The following TSC22D1 variants were observed in gnomAD, a reference collection of about 807,000 sequenced individuals.
TSC22D1 encodes TSC22 domain family member 1.
In TSC22D1, 9 loss-of-function variants were observed where a neutral mutation model predicts 74.2. The ratio of observed to expected loss-of-function variants is 0.12; its 90% CI spans 0.07 to 0.21. TSC22D1 has a LOEUF of 0.21. Ranked by LOEUF, TSC22D1 falls within the 10% of genes least tolerant of loss-of-function variation. The pLI, the probability that TSC22D1 is intolerant of heterozygous loss-of-function variation, is 1.00. For synonymous variants in TSC22D1, 586 were observed against 492.5 expected (o/e 1.19, Z -2.51); for missense variants, 1,427 against 1,304.7 (o/e 1.09, Z -1.44).
chr13:44,555,715 C>A (rs1489345112), intron 1 of TSC22D1, among the ~76,000 whole-genome samples: 1 of 150,902 alleles, frequency 6.6e-6, no homozygotes, highest in Non-Finnish European at 1.5e-5. Flanking sequence ...CCCACCCATG[C>A]AAGATAGGTT....
chr13:44,512,806 C>T lies in TSC22D1; in HGVS notation c.2912+60357G>A, dbSNP rs1267964709. Among the ~76,000 whole-genome samples the T allele has an allele frequency of 3.9e-5, 6 of 152,092 alleles. No homozygotes were observed. In the South Asian group the frequency reaches 6.2e-4, roughly 16 times the overall value. On this transcript the variant is annotated intron_variant, in intron 1 of 2. Coordinates refer to ENST00000458659, the MANE Select transcript of TSC22D1 (RefSeq NM_183422.4). Reference sequence around the variant, plus strand: ...CTGGGACTACAGGCGTGCGCCATCACGCCCAGCTAATTATTGTATTTTTAG... The same window carrying T: ...CTGGGACTACAGGCGTGCGCCATCATGCCCAGCTAATTATTGTATTTTTAG...
At chr13:44,547,741 TA>T (rs1321359304) in intron 1 of TSC22D1, among the ~76,000 whole-genome samples, 7 of 152,210 alleles carry the variant, frequency 4.6e-5, no homozygotes, top group Admixed American at 4.6e-4. Flanking sequence ...TTTTAATTTT[TA>T]ACTTACTGAG....
chr13:44,475,470 A>G (rs1877859083), intron 1 of TSC22D1, among the ~76,000 whole-genome samples: 1 of 151,772 alleles, frequency 6.6e-6, no homozygotes, highest in Non-Finnish European at 1.5e-5. Context: ...AAAAGCAAAA[A>G]AAAAAAAAAA....
rs769962486 is a variant in TSC22D1 at position 44,575,953 on chromosome 13, A to C, written c.122T>G (p.Leu41Arg). ...ACCGACGCCGGTACCTGCTGCATTG[A>C]GAGCAGAGGCGCTGCCACTACCGCT... ...RGSGSGSASA[L>R]NAAGTGVGSN... The change falls in exon 1 of 3, where the codon CTC (leucine) becomes CGC (arginine). Residue 41 changes from leucine (L) to arginine (R), a missense_variant. Coordinates refer to ENST00000458659, the MANE Select transcript of TSC22D1 (RefSeq NM_183422.4). 2.5e-6 allele frequency: 4 copies of C among 1,609,432 alleles called. No homozygotes were observed. Among genetic ancestry groups the C allele is most frequent in the Non-Finnish European group, 3.4e-6 (4 of 1,178,264 alleles).
At chr13:44,455,688 G>C (rs1034083393) in intron 1 of TSC22D1, among the ~76,000 whole-genome samples, 1 of 152,032 alleles carries the variant, frequency 6.6e-6, no homozygotes, top group African/African-American at 2.4e-5. Context: ...TCTTGCTTTG[G>C]ATAGTTTCAA....
At chr13:44,459,134 G>A (rs1281972235) in intron 1 of TSC22D1, among the ~76,000 whole-genome samples, 2 of 152,136 alleles carry the variant, frequency 1.3e-5, no homozygotes, top group Non-Finnish European at 2.9e-5. Context: ...GGACCAATCA[G>A]CACACACTTC....
At chr13:44,520,142 T>C (rs1194287102) in intron 1 of TSC22D1, among the ~76,000 whole-genome samples, 1 of 152,188 alleles carries the variant, frequency 6.6e-6, no homozygotes, top group Non-Finnish European at 1.5e-5. Flanking sequence ...ATCTGTGGTA[T>C]TGGTAGAAAT....
intron 1 of TSC22D1, among the ~76,000 whole-genome samples, chr13:44,565,093 A>G (rs1457622158): frequency 1.3e-5 from 2 of 152,134 alleles, no homozygotes; most frequent in African/African-American, 2.4e-5. Flanking sequence ...AATGTTATGA[A>G]AGCAGATGAC....
intron 1 of TSC22D1, among the ~76,000 whole-genome samples, chr13:44,462,149 C>T (rs1877032371): frequency 6.6e-6 from 1 of 152,142 alleles, no homozygotes; most frequent in Admixed American, 6.5e-5. Flanking sequence ...ATGTATTATA[C>T]AGAAACCATT....
intron 1 of TSC22D1, among the ~76,000 whole-genome samples, chr13:44,523,909 T>C (rs112136921): frequency 6.5e-4 from 99 of 152,030 alleles, no homozygotes; most frequent in African/African-American, 2.2e-3. Context: ...CATTTGCTAA[T>C]AGAAGGAAAG....
chr13:44,445,188 T>A, intron 1 of TSC22D1, among the ~76,000 whole-genome samples: 1 of 146,046 alleles, frequency 6.8e-6, no homozygotes, highest in Non-Finnish European at 1.5e-5. Context: ...AGACATAGAG[T>A]AATGGAACAA....
chr13:44,522,483 G>C (rs1270696812), intron 1 of TSC22D1, among the ~76,000 whole-genome samples: 2 of 152,178 alleles, frequency 1.3e-5, no homozygotes, highest in Non-Finnish European at 2.9e-5. Context: ...AGGCAAGAGA[G>C]GATGGTGGCT....
rs1367554617 is a variant in TSC22D1 at position 44,573,307 on chromosome 13, C to T, written c.2768G>A (p.Gly923Asp). The change falls in exon 1 of 3, where the codon GGC becomes GAC. Residue 923 changes from glycine to aspartate, a missense_variant. By Grantham distance (94) the Gly-to-Asp change is moderately conservative. Around this residue, in one of 3 missense-constraint regions of TSC22D1, gnomAD observed 1,343 missense variants for 1,191.5 expected, o/e 1.13. Transcript: ENST00000458659. ...ARRAAEPSLV[G>D]LPQTISGDSG... ...GTCACCACTGATAGTCTGAGGTAAGCCAACTAAGGAGGGCTCCGCTGCACG... is the reference window on the plus strand; with the variant it reads ...GTCACCACTGATAGTCTGAGGTAAGTCAACTAAGGAGGGCTCCGCTGCACG... The T allele has an allele frequency of 1.2e-6, 2 of 1,614,222 alleles. No homozygotes were observed. Among genetic ancestry groups the T allele is most frequent in the Middle Eastern group, 1.6e-4 (1 of 6,062 alleles).
intron 1 of TSC22D1, among the ~76,000 whole-genome samples, chr13:44,542,829 C>T (rs140235129): frequency 2.0e-4 from 31 of 152,068 alleles, no homozygotes; most frequent in African/African-American, 7.5e-4. Flanking sequence ...GAAAGTGCAG[C>T]CTTTGTGAGA....
chr13:44,546,345 G>A (rs1286575908), intron 1 of TSC22D1, among the ~76,000 whole-genome samples: 1 of 152,146 alleles, frequency 6.6e-6, no homozygotes, highest in African/African-American at 2.4e-5. Context: ...TTAACCAAAT[G>A]ATCAAGATGA....
chr13:44,548,116 C>G (rs1595155474), intron 1 of TSC22D1, among the ~76,000 whole-genome samples: 1 of 152,176 alleles, frequency 6.6e-6, no homozygotes, highest in Non-Finnish European at 1.5e-5. Flanking sequence ...TAGTAAAGAA[C>G]AGGAAATTCA....
chr13:44,443,909 AAAAG>A (rs1459967598), intron 1 of TSC22D1, among the ~76,000 whole-genome samples: 4 of 152,240 alleles, frequency 2.6e-5, no homozygotes, highest in African/African-American at 7.2e-5. Flanking sequence ...TGTATAATCT[AAAAG>A]AAAGAATAAG....
intron 1 of TSC22D1, among the ~76,000 whole-genome samples, chr13:44,550,994 C>T (rs1882200265): frequency 6.7e-6 from 1 of 149,956 alleles, no homozygotes; most frequent in African/African-American, 2.5e-5. Context: ...GTAGTCTCAG[C>T]TACTCAAGAG....
chr13:44,558,213 G>A (rs1239197384), intron 1 of TSC22D1, among the ~76,000 whole-genome samples: 1 of 152,080 alleles, frequency 6.6e-6, no homozygotes, highest in African/African-American at 2.4e-5. Context: ...TGCAAGTTTT[G>A]GAATGAAATC....
Sources: allele counts gnomAD v4.1 joint callset (sites outside exome capture counted in the v4.1 genomes callset), GRCh38; gene constraint gnomAD v4.1.1; regional missense constraint gnomAD v4.1.1; transcripts MANE v1.5; gene names NCBI Gene and HGNC (gene_info 2026-07-23, HGNC 2026-07-21).